PLCB4: variants seen among roughly 807,000 people sequenced by gnomAD.
The protein encoded by PLCB4 is 1-phosphatidylinositol 4,5-bisphosphate phosphodiesterase beta-4.
PLCB4 carries 77 observed loss-of-function variants against 178.8 expected under a neutral mutation model. The observed-to-expected ratio is 0.43, with a 90% CI of 0.36 to 0.52. The LOEUF (loss-of-function observed/expected upper bound fraction) is 0.52. Among genes scored for constraint, PLCB4 ranks in the 20% least tolerant of loss-of-function variants. The pLI is 0.00. For synonymous variants in PLCB4, 496 were observed against 490.8 expected (o/e 1.01, Z -0.14); for missense variants, 1,024 against 1,453.4 (o/e 0.70, Z 4.80).
chr20:9,379,395 T>G (rs2036946662), intron 12 of PLCB4, among the ~76,000 whole-genome samples: 1 of 152,318 alleles, frequency 6.6e-6, no homozygotes, highest in South Asian at 2.1e-4. Context: ...TAATCATTCA[T>G]GGACTCTCTG....
intron 30 of PLCB4, among the ~76,000 whole-genome samples, chr20:9,440,439 A>G (rs1351951009): frequency 6.6e-6 from 1 of 152,214 alleles, no homozygotes; most frequent in Non-Finnish European, 1.5e-5. Context: ...TAGCTTAGGA[A>G]AAGATCAAAA....
chr20:9,406,434 T>TTGATA (rs748411164), intron 21 of PLCB4, among the ~76,000 whole-genome samples: 18 of 152,042 alleles, frequency 1.2e-4, no homozygotes, highest in Non-Finnish European at 2.4e-4. Flanking sequence ...TGAAATCAGT[T>TTGATA]TGATAATTTA....
At chr20:9,416,973 T>C in intron 25 of PLCB4, among the ~76,000 whole-genome samples, 1 of 152,150 alleles carries the variant, frequency 6.6e-6, no homozygotes, top group Non-Finnish European at 1.5e-5. Flanking sequence ...AAAAATATCA[T>C]GACTCAGGAT....
At chr20:9,330,391 C>T (rs1242400573) in intron 4 of PLCB4, among the ~76,000 whole-genome samples, 6 of 152,140 alleles carry the variant, frequency 3.9e-5, no homozygotes, top group Non-Finnish European at 1.5e-5. Context: ...AACCAGGAAG[C>T]AAGGAGGGTG....
intron 3 of PLCB4, among the ~76,000 whole-genome samples, chr20:9,247,898 A>G (rs968710051): frequency 6.6e-6 from 1 of 152,192 alleles, no homozygotes; most frequent in Non-Finnish European, 1.5e-5. Context: ...AATTATACAA[A>G]AATATTTTTT....
chr20:9,264,104 C>G (rs1245958722), intron 3 of PLCB4, among the ~76,000 whole-genome samples: 1 of 152,088 alleles, frequency 6.6e-6, no homozygotes, highest in East Asian at 1.9e-4. Flanking sequence ...TGTATTAAGT[C>G]TATTTAGAAT....
intron 2 of PLCB4, among the ~76,000 whole-genome samples, chr20:9,103,597 A>G (rs529956896): frequency 1.3e-5 from 2 of 152,318 alleles, no homozygotes; most frequent in South Asian, 4.1e-4. Context: ...ATTTCTTAGT[A>G]TCATTATGAA....
At position 9,453,284 on chromosome 20, in the gene PLCB4, A is replaced by G. The variant is rs370991259; in HGVS notation, c.2881-63A>G. 2.8e-5 allele frequency: 26 copies of G among 918,658 alleles called. No homozygotes were observed. The South Asian group carries it at 3.2e-4, about 11-fold the overall frequency. The allele number at this position is 918,658 out of a possible 1,614,324, so 56.9% of individuals were successfully genotyped here. A position where few individuals can be genotyped will look rare whatever the true frequency, so the allele number is the denominator to read the frequency against. ...TAGGGAAGCTGGTGAAAGTTATGCC[A>G]GCCCTATATGGTGTGAGCCATGCTA... is the stretch of plus-strand genomic sequence containing the variant. On this transcript the variant is annotated intron_variant, in intron 32 of 39. Coordinates refer to ENST00000378473, the MANE Select transcript of PLCB4 (RefSeq NM_001377142.1).
chr20:9,191,535 C>T (rs1473961000), intron 2 of PLCB4, among the ~76,000 whole-genome samples: 1 of 151,916 alleles, frequency 6.6e-6, no homozygotes, highest in Non-Finnish European at 1.5e-5. Flanking sequence ...CCAGTCTGTG[C>T]TATTTTATTA....
At chr20:9,161,403 TG>T (rs1374199699) in intron 2 of PLCB4, among the ~76,000 whole-genome samples, 9 of 152,226 alleles carry the variant, frequency 5.9e-5, no homozygotes, top group Admixed American at 2.6e-4. Context: ...AGTGAGAAGA[TG>T]GACAGTAGAG....
chr20:9,312,415 CGT>C (rs1415604540), intron 4 of PLCB4, among the ~76,000 whole-genome samples: 7 of 151,260 alleles, frequency 4.6e-5, no homozygotes, highest in Admixed American at 2.6e-4. Flanking sequence ...CTCACACACA[CGT>C]GGTGGAGGAA....
intron 3 of PLCB4, among the ~76,000 whole-genome samples, chr20:9,248,117 G>T (rs529829244): frequency 1.3e-5 from 2 of 151,770 alleles, no homozygotes; most frequent in Non-Finnish European, 2.9e-5. Context: ...TAAGATGAAT[G>T]TTTATATTAC....
intron 9 of PLCB4, among the ~76,000 whole-genome samples, chr20:9,367,292 A>G (rs2035868537): frequency 6.6e-6 from 1 of 152,128 alleles, no homozygotes; most frequent in Non-Finnish European, 1.5e-5. Context: ...CTCTTTATTG[A>G]GGGCTTGTTG....
intron 2 of PLCB4, among the ~76,000 whole-genome samples, chr20:9,125,829 G>T (rs1375257480): frequency 6.6e-6 from 1 of 152,076 alleles, no homozygotes; most frequent in African/African-American, 2.4e-5. Context: ...TTTGTTGCTT[G>T]TCTACTATGT....
At chr20:9,290,052 A>G (rs1002490264) in intron 3 of PLCB4, among the ~76,000 whole-genome samples, 27 of 151,912 alleles carry the variant, frequency 1.8e-4, no homozygotes, top group African/African-American at 6.3e-4. Flanking sequence ...GCCTAATGAG[A>G]ATGTCATCCT....
intron 3 of PLCB4, among the ~76,000 whole-genome samples, chr20:9,234,895 T>C (rs6056486): frequency 3.9e-5 from 6 of 152,310 alleles, no homozygotes; most frequent in African/African-American, 1.2e-4. Context: ...ATTTGAGATT[T>C]GTCCTCATGC....
chr20:9,137,093 C>G (rs1264161733), intron 2 of PLCB4, among the ~76,000 whole-genome samples: 1 of 152,094 alleles, frequency 6.6e-6, no homozygotes, highest in African/African-American at 2.4e-5. Context: ...TTCTGTCGTT[C>G]TAATACTATT....
At chr20:9,231,465 A>G (rs1380403123) in intron 3 of PLCB4, among the ~76,000 whole-genome samples, 1 of 152,038 alleles carries the variant, frequency 6.6e-6, no homozygotes. Flanking sequence ...TGCTGTATTC[A>G]CTAGTCCTTG....
At chr20:9,294,711 C>T (rs184277576) in intron 3 of PLCB4, among the ~76,000 whole-genome samples, 44 of 152,216 alleles carry the variant, frequency 2.9e-4, no homozygotes, top group African/African-American at 1.1e-3. Flanking sequence ...GCTTACATTG[C>T]AATCACCTGG....
Sources: allele counts gnomAD v4.1 joint callset (sites outside exome capture counted in the v4.1 genomes callset), GRCh38; gene constraint gnomAD v4.1.1; transcripts MANE v1.5; gene names NCBI Gene and HGNC (gene_info 2026-07-23, HGNC 2026-07-21).